Variants in GRIK4 observed in about 807,000 individuals in gnomAD.
GRIK4 encodes the protein glutamate receptor ionotropic, kainate 4.
GRIK4 carries 40 observed loss-of-function variants against 104.9 expected under a neutral mutation model. The observed-to-expected ratio is 0.38, with a 90% CI of 0.30 to 0.50. GRIK4 has a LOEUF of 0.50. Ranked by LOEUF, GRIK4 falls within the 20% of genes least tolerant of loss-of-function variation. GRIK4 has a pLI of 0.93. For synonymous variants in GRIK4, 485 were observed against 524.9 expected (o/e 0.92, Z 1.04); for missense variants, 1,047 against 1,308.1 (o/e 0.80, Z 3.08).
At chr11:120,678,374 A>G (rs1000027706) in intron 3 of GRIK4, among the ~76,000 whole-genome samples, 2 of 152,180 alleles carry the variant, frequency 1.3e-5, no homozygotes, top group Non-Finnish European at 2.9e-5. Flanking sequence ...CCAAGTCTGC[A>G]TGCTGGCTTT....
chr11:120,886,877 A>T (rs946031966), intron 11 of GRIK4, among the ~76,000 whole-genome samples: 5 of 152,170 alleles, frequency 3.3e-5, no homozygotes, highest in African/African-American at 1.2e-4. Context: ...GCAGAAGTAG[A>T]ATCCAGATCT....
intron 5 of GRIK4, among the ~76,000 whole-genome samples, chr11:120,816,647 G>A (rs1336439100): frequency 6.6e-6 from 1 of 152,102 alleles, no homozygotes; most frequent in East Asian, 1.9e-4. Context: ...TGCCACCACT[G>A]TCTCTTATGA....
At chr11:120,971,102 G>T (rs1204383499) in intron 19 of GRIK4, among the ~76,000 whole-genome samples, 1 of 152,162 alleles carries the variant, frequency 6.6e-6, no homozygotes, top group Non-Finnish European at 1.5e-5. Flanking sequence ...CAAAATCTAG[G>T]CCTGAACGAG....
chr11:120,625,860 G>C (rs1422844152), intron 1 of GRIK4, among the ~76,000 whole-genome samples: 1 of 151,688 alleles, frequency 6.6e-6, no homozygotes, highest in African/African-American at 2.4e-5. Context: ...AGGTGTCAGT[G>C]ATGGCCACCC....
chr11:120,669,764 T>C (rs1949984092), intron 3 of GRIK4, among the ~76,000 whole-genome samples: 1 of 152,278 alleles, frequency 6.6e-6, no homozygotes, highest in Non-Finnish European at 1.5e-5. Context: ...TCTCTGAAGA[T>C]GGATGTGCCT....
intron 11 of GRIK4, among the ~76,000 whole-genome samples, chr11:120,883,280 T>C (rs117434769): frequency 2.6e-5 from 4 of 152,200 alleles, no homozygotes; most frequent in Non-Finnish European, 5.9e-5. Context: ...CTGAGGATTT[T>C]GTCATGAGAG....
chr11:120,748,664 C>G (rs562470475), intron 3 of GRIK4, among the ~76,000 whole-genome samples: 10 of 152,330 alleles, frequency 6.6e-5, no homozygotes, highest in African/African-American at 2.4e-4. Flanking sequence ...AATGGCCTCC[C>G]CCTATACCTC....
chr11:120,550,805 G>C (rs1948132213), intron 1 of GRIK4, among the ~76,000 whole-genome samples: 1 of 151,740 alleles, frequency 6.6e-6, no homozygotes, highest in Non-Finnish European at 1.5e-5. Flanking sequence ...TGGGGTGGTT[G>C]GAGAGTGAGT....
chr11:120,713,679 G>A (rs1950779040), intron 3 of GRIK4, among the ~76,000 whole-genome samples: 1 of 152,180 alleles, frequency 6.6e-6, no homozygotes, highest in Admixed American at 6.5e-5. Context: ...GCTGGAACTG[G>A]GAAACTCGGT....
At chr11:120,929,278 G>C (rs1302917782) in intron 13 of GRIK4, among the ~76,000 whole-genome samples, 1 of 152,122 alleles carries the variant, frequency 6.6e-6, no homozygotes, top group Non-Finnish European at 1.5e-5. Flanking sequence ...TGTGGCAGGA[G>C]AGCAGATGTG....
At position 120,764,399 on chromosome 11, in the gene GRIK4, T is replaced by C. The variant is rs1209019411; in HGVS notation, c.83-38294T>C. Reference sequence around the variant, plus strand: ...CGATGGGTCTTGACTCTTTATCCAATTTGCCAGTCTGTGCCTTTTAATTGG... The same window carrying C: ...CGATGGGTCTTGACTCTTTATCCAACTTGCCAGTCTGTGCCTTTTAATTGG... On this transcript the variant is annotated intron_variant, in intron 3 of 20. Coordinates refer to ENST00000527524, the MANE Select transcript of GRIK4 (RefSeq NM_014619.5). Among the ~76,000 whole-genome samples the C allele has an allele frequency of 2.0e-5, 3 of 152,184 alleles. No homozygotes were observed. In the East Asian group the frequency reaches 5.8e-4, roughly 29 times the overall value.
At chr11:120,738,074 G>GTCTGGTAA (rs1184218113) in intron 3 of GRIK4, among the ~76,000 whole-genome samples, 1 of 66,904 alleles carries the variant, frequency 1.5e-5, no homozygotes, top group Non-Finnish European at 3.4e-5. Flanking sequence ...ATGTTTGAAC[G>GTCTGGTAA]TCTGGTAAGA....
intron 3 of GRIK4, among the ~76,000 whole-genome samples, chr11:120,698,314 T>G (rs1950490806): frequency 6.6e-6 from 1 of 152,210 alleles, no homozygotes; most frequent in Non-Finnish European, 1.5e-5. Context: ...ATCCCGAGTT[T>G]CCAGAAAGCT....
chr11:120,829,020 C>T (rs528756180), intron 6 of GRIK4, among the ~76,000 whole-genome samples: 5 of 152,314 alleles, frequency 3.3e-5, no homozygotes, highest in Admixed American at 2.0e-4. Flanking sequence ...TTCCCTGTCT[C>T]GTCCCACTGA....
At chr11:120,840,415 G>A (rs1170390262) in intron 8 of GRIK4, among the ~76,000 whole-genome samples, 1 of 152,094 alleles carries the variant, frequency 6.6e-6, no homozygotes, top group Non-Finnish European at 1.5e-5. Flanking sequence ...GGTTCTAGTG[G>A]GTCAGGAATC....
chr11:120,595,609 G>A (rs148833785), intron 1 of GRIK4, among the ~76,000 whole-genome samples: 2 of 152,264 alleles, frequency 1.3e-5, no homozygotes, highest in East Asian at 3.9e-4. Context: ...CACATGGAAT[G>A]GTGGTTTCTA....
chr11:120,856,293 T>G (rs1471708845), intron 8 of GRIK4, among the ~76,000 whole-genome samples: 3 of 152,214 alleles, frequency 2.0e-5, no homozygotes, highest in Non-Finnish European at 4.4e-5. Flanking sequence ...TAATACATGC[T>G]ACTGTTTCCT....
intron 2 of GRIK4, among the ~76,000 whole-genome samples, chr11:120,657,346 A>C (rs77101138): frequency 5.9e-5 from 9 of 152,098 alleles, no homozygotes; most frequent in Non-Finnish European, 1.0e-4. Context: ...GCTTTAATCT[A>C]TCCCTGCACC....
chr11:120,514,843 A>G (rs1293130262), intron 1 of GRIK4: 6 of 396,940 alleles, frequency 1.5e-5, no homozygotes, highest in Admixed American at 1.4e-4. Context: ...TCGAGTGTCC[A>G]CTCCGACCTT....
Sources: allele counts gnomAD v4.1 joint callset (sites outside exome capture counted in the v4.1 genomes callset), GRCh38; gene constraint gnomAD v4.1.1; transcripts MANE v1.5; gene names NCBI Gene and HGNC (gene_info 2026-07-23, HGNC 2026-07-21).